Variants in ADH7 observed in about 807,000 individuals in gnomAD.
ADH7 encodes the protein alcohol dehydrogenase 7 (class IV), mu or sigma polypeptide.
ADH7 carries 41 observed loss-of-function variants against 34.4 expected under a neutral mutation model. That is an observed-to-expected ratio of 1.19 (90% CI 0.93 to 1.55). The LOEUF is 1.55. Among genes scored for constraint, ADH7 ranks in the 40% most tolerant of loss-of-function variants. The pLI, the probability that ADH7 is intolerant of heterozygous loss-of-function variation, is 0.00. For synonymous variants in ADH7, 180 were observed against 160.9 expected (o/e 1.12, Z -0.90); for missense variants, 540 against 461.2 (o/e 1.17, Z -1.56).
rs777883734 is a variant in ADH7 at position 99,419,043 on chromosome 4, T to G, written c.904A>C (p.Thr302Pro). Residue 302 changes from threonine to proline, a missense_variant, in exon 7 of 9, where the codon ACC (threonine) becomes CCC (proline). By Grantham distance (38) the Thr-to-Pro change is conservative. Transcript: ENST00000437033. ...GTGAAGAGCAACATCGGGTCATAGG[T>G]GAGCATCTTGGCTGATGGAGGAACT... is the stretch of plus-strand genomic sequence containing the variant. ...VGVPPSAKML[T>P]YDPMLLFTGR... The G allele has an allele frequency of 1.2e-6, 2 of 1,613,856 alleles. No individual in the cohort carries two copies. Among genetic ancestry groups the G allele is most frequent in the South Asian group, 2.2e-5 (2 of 91,078 alleles).
In ADH7 at chr4:99,428,715, A is replaced by T. The variant is rs1420471100; in HGVS notation, c.121-85T>A. 3 of 1,481,600 alleles carry T rather than the reference A, an allele frequency of 2.0e-6. No homozygotes were observed. The Admixed American group carries it at 6.3e-5, about 31-fold the overall frequency. The allele number at this position is 1,481,600 out of a possible 1,614,324, so 91.8% of individuals were successfully genotyped here. ...GAATATTTAACTTCTTGAAGAAATT[A>T]TAATTGTTTAATCAATATCTTTGCC... is the stretch of plus-strand genomic sequence containing the variant. On this transcript the variant is annotated intron_variant, in intron 2 of 8. Coordinates refer to ENST00000437033, the MANE Select transcript of ADH7 (RefSeq NM_000673.7).
At position 99,415,518 on chromosome 4, in the gene ADH7, T is replaced by C; in HGVS notation, c.1060A>G (p.Lys354Glu). Reference sequence around the variant, plus strand: ...AGCAGCTCAAATCCTTCACTGATTTTTTTAAATGGTAAAACATGAGTTATC... The same window carrying C: ...AGCAGCTCAAATCCTTCACTGATTTCTTTAAATGGTAAAACATGAGTTATC... ...QLITHVLPFKKISEGFELLNS... is the reference protein window; with the variant it reads ...QLITHVLPFKEISEGFELLNS... The change falls in exon 8 of 9, where the codon AAA (lysine) becomes GAA (glutamate). Residue 354 changes from lysine (K) to glutamate (E), a missense_variant. Transcript: ENST00000437033. The C allele has an allele frequency of 6.2e-7, 1 of 1,613,504 alleles. No individual in the cohort carries two copies. The highest frequency in any genetic ancestry group is 8.5e-7 in the Non-Finnish European group (1 of 1,179,616).
chr4:99,418,873 G>C, intron 7 of ADH7, 113 bp downstream of exon 7: 1 of 1,254,848 alleles, frequency 8.0e-7, no homozygotes. Context: ...TTCCATTTTA[G>C]ATCACTTCAT....
chr4:99,431,593 G>A (rs1337168081), intron 1 of ADH7, among the ~76,000 whole-genome samples: 1 of 152,074 alleles, frequency 6.6e-6, no homozygotes, highest in African/African-American at 2.4e-5. Flanking sequence ...CTAATATCCG[G>A]CATCTATAAG....
chr4:99,417,247 A>G (rs957643018), intron 7 of ADH7, among the ~76,000 whole-genome samples: 4 of 152,050 alleles, frequency 2.6e-5, no homozygotes, highest in Non-Finnish European at 5.9e-5. Context: ...TAAACTCCTA[A>G]AACCTTGCAA....
At chr4:99,428,020 T>A in intron 4 of ADH7, 31 bp from the exon 5 acceptor site, 1 of 1,611,940 alleles carries the variant, frequency 6.2e-7, no homozygotes, top group East Asian at 2.2e-5. Flanking sequence ...ACGTATTAAT[T>A]AATTCAATTC....
At chr4:99,427,442 CA>C (rs1489143960) in intron 5 of ADH7, among the ~76,000 whole-genome samples, 1 of 152,038 alleles carries the variant, frequency 6.6e-6, no homozygotes, top group African/African-American at 2.4e-5. Context: ...AAAGCTCTGA[CA>C]AAAAGCCTCT....
intron 7 of ADH7, among the ~76,000 whole-genome samples, chr4:99,418,139 C>T (rs1291945310): frequency 6.6e-6 from 1 of 152,116 alleles, no homozygotes; most frequent in African/African-American, 2.4e-5. Context: ...TAATGTAAAA[C>T]TTTTAACATA....
chr4:99,430,946 G>A (rs1274939631), intron 1 of ADH7, among the ~76,000 whole-genome samples: 1 of 152,012 alleles, frequency 6.6e-6, no homozygotes, highest in Non-Finnish European at 1.5e-5. Flanking sequence ...ACAGGTGTGT[G>A]CCACCACGCC....
chr4:99,419,345 G>A (rs915306675), intron 6 of ADH7, among the ~76,000 whole-genome samples: 4 of 152,072 alleles, frequency 2.6e-5, no homozygotes, highest in Admixed American at 6.6e-5. Flanking sequence ...CAGTGTTTGT[G>A]GCATTTTTAG....
At chr4:99,428,311 C>T (rs2110139560) in intron 3 of ADH7, 137 bp from the exon 4 acceptor site, 2 of 1,221,574 alleles carry the variant, frequency 1.6e-6, no homozygotes, top group African/African-American at 1.5e-5. Context: ...GTAAGGTTTG[C>T]CTTCTAAAGG....
In ADH7 at chr4:99,429,623, CA is replaced by C; in HGVS notation, c.28del (p.Cys10AlafsTer18). On this transcript the variant is annotated frameshift_variant, in exon 2 of 9. Transcript: ENST00000437033. LOFTEE classifies it high-confidence loss of function. ...CTGCTCCCAAAGCACAGCTGCTTTG[CA>C]TTTAATAACCTAAGAAATAGGCAAG... MGTAGKVIK[C>X]KAAVLWEQKQ... is the part of the protein sequence containing the mutation. 2 of 1,608,058 alleles carry C rather than the reference CA, an allele frequency of 1.2e-6. No individual in the cohort carries two copies. The highest frequency in any genetic ancestry group is 1.7e-6 in the Non-Finnish European group (2 of 1,176,574).
chr4:99,420,542 A>T lies in ADH7; in HGVS notation c.816T>A (p.Leu272=). The T allele has an allele frequency of 2.5e-6, 4 of 1,612,780 alleles. No homozygotes were observed. The highest frequency in any genetic ancestry group is 3.4e-6 in the Non-Finnish European group (4 of 1,179,044). ...AAATTTTGGGTCTTACCATGGTTTC[A>T]AGATGCCCAATAACTTCAAAGGTGT... The part of the protein sequence containing the change: ...VGYTFEVIGH[L]ETMIDALASC... The change falls in exon 6 of 9, where the codon CTT becomes CTA. Residue 272 remains leucine (L), a synonymous_variant. Transcript: ENST00000437033.
At chr4:99,413,664 A>G (rs961150876) in intron 8 of ADH7, among the ~76,000 whole-genome samples, 4 of 152,226 alleles carry the variant, frequency 2.6e-5, no homozygotes, top group Admixed American at 2.0e-4. Context: ...TTTTGGCAAA[A>G]CTTGAGCTTG....
chr4:99,412,462 T>G lies in ADH7; in HGVS notation c.*686A>C, dbSNP rs1485329833. The G allele has an allele frequency of 2.0e-5, 3 of 152,082 alleles. No homozygotes were observed. The highest frequency in any genetic ancestry group is 7.2e-5 in the African/African-American group (3 of 41,424). The allele number at this position is 152,082 out of a possible 1,614,324, so 9.4% of individuals were successfully genotyped here. The stretch of plus-strand genomic sequence containing the variant: ...ATAAGTATGATAATATGATTCTAGC[T>G]CTATGTTTATATTCAGTATTACAAA... On this transcript the variant is annotated 3_prime_UTR_variant, in exon 9 of 9. Transcript: ENST00000437033.
rs539728659 is a variant in ADH7, at chr4:99,427,979, G to A, written c.358C>T (p.Arg120Cys). 20 of 1,613,800 alleles carry A rather than the reference G, an allele frequency of 1.2e-5. No individual in the cohort carries two copies. Among genetic ancestry groups the A allele is most frequent in the South Asian group, 9.9e-5 (9 of 91,044 alleles). The change falls in exon 5 of 9, where the codon CGT (arginine) becomes TGT (cysteine). Residue 120 changes from arginine (R) to cysteine (C), a missense_variant. Physicochemically the swap from Arg to Cys is radical, Grantham distance 180. Coordinates refer to ENST00000437033, the MANE Select transcript of ADH7 (RefSeq NM_000673.7). ...NLCIRSDITG[R>C]GVLADGTTRF... ...GTGGTGCCATCAGCCAGTACTCCAC[G>A]ACCAGTAATACTGTTTGATACATCA...
chr4:99,422,159 A>T (rs1721680493), intron 5 of ADH7, among the ~76,000 whole-genome samples: 1 of 152,244 alleles, frequency 6.6e-6, no homozygotes, highest in African/African-American at 2.4e-5. Flanking sequence ...CTGGGTATAC[A>T]CCCAAAGGAA....
intron 5 of ADH7, among the ~76,000 whole-genome samples, chr4:99,425,222 A>G (rs1474026196): frequency 2.6e-5 from 4 of 152,150 alleles, no homozygotes; most frequent in Non-Finnish European, 4.4e-5. Flanking sequence ...TTAACTTTAA[A>G]TGTAAATGGA....
rs1424282202 is a variant in ADH7 at position 99,420,637 on chromosome 4, T to C, written c.721A>G (p.Ile241Val). The change falls in exon 6 of 9, where the codon ATC (isoleucine) becomes GTC (valine). Residue 241 changes from isoleucine (I) to valine (V), a missense_variant. Transcript: ENST00000437033. ...GGTTTGGTAGAGTCCTTGGGACTGA[T>C]ACACTCAGTGGCACCTACAGCCATG... ...KAMAVGATEC[I>V]SPKDSTKPIS... 1.2e-6 allele frequency: 2 copies of C among 1,613,848 alleles called. No homozygotes were observed. Among genetic ancestry groups the C allele is most frequent in the Non-Finnish European group, 1.7e-6 (2 of 1,179,936 alleles).
Sources: allele counts gnomAD v4.1 joint callset (sites outside exome capture counted in the v4.1 genomes callset), GRCh38; gene constraint gnomAD v4.1.1; transcripts MANE v1.5; gene names NCBI Gene and HGNC (gene_info 2026-07-23, HGNC 2026-07-21).